The following ZNF74 variants were observed in gnomAD, a reference collection of about 807,000 sequenced individuals.
ZNF74 encodes the protein zinc finger protein 520.
ZNF74 carries 12 observed loss-of-function variants against 17.7 expected under a neutral mutation model. That is an observed-to-expected ratio of 0.68 (90% CI 0.43 to 1.10). The LOEUF is 1.10. Ranked by LOEUF, ZNF74 falls within the 50% of genes least tolerant of loss-of-function variation. The pLI is 0.00. For missense variants in ZNF74, 811 were observed against 881.0 expected (o/e 0.92, Z 1.01); for synonymous variants, 358 against 362.1 (o/e 0.99, Z 0.13).
Position 20,394,493 on chromosome 22 carries a change from T to A in ZNF74, c.-136T>A. On this transcript the variant is annotated 5_prime_UTR_variant, in exon 1 of 5. Transcript: ENST00000400451. ...CTCCGTGCGTGTGATCGTGCAGCTG[T>A]GAGCGCGTGGCCGCCCCGCGGGGCT... The A allele has an allele frequency of 1.1e-6, 1 of 881,774 alleles. No homozygotes were observed. The allele number at this position is 881,774 out of a possible 1,614,324, so 54.6% of individuals were successfully genotyped here. A position where few individuals can be genotyped will look rare whatever the true frequency, so the allele number is the denominator to read the frequency against.
At chr22:20,396,571 A>G (rs1157771952) in intron 2 of ZNF74, among the ~76,000 whole-genome samples, 1 of 152,100 alleles carries the variant, frequency 6.6e-6, no homozygotes, top group Non-Finnish European at 1.5e-5. Context: ...TTCAGCAAAA[A>G]AAAATGTGTG....
In ZNF74 at chr22:20,406,211, G is replaced by C; in HGVS notation, c.1178G>C (p.Cys393Ser). The change falls in exon 5 of 5, where the codon TGC (cysteine) becomes TCC (serine). Residue 393 changes from cysteine (C) to serine (S), a missense_variant. By Grantham distance (112) the Cys-to-Ser change is moderately radical (BLOSUM62 -1). Transcript: ENST00000400451. The stretch of plus-strand genomic sequence containing the variant: ...GAGAAGCCCTACCAGTGCGGCTCCT[G>C]CGGCAAGGCCTTCACCTGCCACTCA... ...TGEKPYQCGS[C>S]GKAFTCHSSL... The C allele has an allele frequency of 6.2e-7, 1 of 1,612,990 alleles. No homozygotes were observed. Among genetic ancestry groups the C allele is most frequent in the Non-Finnish European group, 8.5e-7 (1 of 1,179,980 alleles).
rs1211557051 is a variant in ZNF74, at chr22:20,394,470, C to G, written c.-159C>G. 7 of 709,374 alleles carry G rather than the reference C, an allele frequency of 9.9e-6. No individual in the cohort carries two copies. Among genetic ancestry groups the G allele is most frequent in the East Asian group, 5.4e-5 (2 of 36,822 alleles). The allele number at this position is 709,374 out of a possible 1,614,324, so 43.9% of individuals were successfully genotyped here. A position where few individuals can be genotyped will look rare whatever the true frequency, so the allele number is the denominator to read the frequency against. On this transcript the variant is annotated 5_prime_UTR_variant, in exon 1 of 5. Transcript: ENST00000400451. ...CTCAGCCGGGCGCGGGGAGGGGGCT[C>G]CGTGCGTGTGATCGTGCAGCTGTGA... is the stretch of plus-strand genomic sequence containing the variant.
At chr22:20,395,439 C>CATAAAGAAGGAAGAA in intron 2 of ZNF74, 21 bp downstream of exon 2, 1 of 1,576,530 alleles carries the variant, frequency 6.3e-7, no homozygotes, top group Non-Finnish European at 8.7e-7. Flanking sequence ...GTGTGTTCTT[C>CATAAAGAAGGAAGAA]CTTCTTTATG....
intron 2 of ZNF74, chr22:20,399,817 T>C (rs2052337516): frequency 5.1e-6 from 1 of 194,272 alleles, no homozygotes; most frequent in Non-Finnish European, 1.1e-5. Flanking sequence ...ATGACTTCTT[T>C]TGAGGTAAAC....
chr22:20,402,897 G>A (rs564849467), intron 4 of ZNF74, among the ~76,000 whole-genome samples: 11 of 151,696 alleles, frequency 7.3e-5, no homozygotes, highest in South Asian at 6.3e-4. Flanking sequence ...GCTTGAACCC[G>A]GGAGGCAGAG....
rs1414901721 is a variant in ZNF74, at chr22:20,406,367, A to T, written c.1334A>T (p.Lys445Met). Residue 445 changes from lysine (K) to methionine (M), a missense_variant, in exon 5 of 5, where the codon AAG becomes ATG. Physicochemically the swap from Lys to Met is moderately conservative, Grantham distance 95. Coordinates refer to ENST00000400451, the MANE Select transcript of ZNF74 (RefSeq NM_003426.4). ...QRTHTGEKPF[K>M]CADCGKGFSC... is the part of the protein sequence containing the mutation. The stretch of plus-strand genomic sequence containing the variant: ...ACGCACACGGGCGAGAAGCCCTTCA[A>T]GTGCGCCGACTGCGGGAAGGGCTTC... 1 of 1,612,304 alleles carries T rather than the reference A, an allele frequency of 6.2e-7. No homozygotes were observed. Among genetic ancestry groups the T allele is most frequent in the East Asian group, 2.2e-5 (1 of 44,630 alleles).
chr22:20,399,142 C>G (rs188151530), intron 2 of ZNF74, among the ~76,000 whole-genome samples: 7 of 152,140 alleles, frequency 4.6e-5, no homozygotes, highest in African/African-American at 1.2e-4. Flanking sequence ...ATGTATTATG[C>G]CTTTGTTGGT....
rs555951718 is a variant in ZNF74 at position 20,403,133 on chromosome 22, AT to A, written c.343+1763del. Among the ~76,000 whole-genome samples, 1,078 of 152,102 alleles carry A rather than the reference AT, an allele frequency of 7.1e-3. 12 individuals are homozygous for A. The highest frequency in any genetic ancestry group is 0.024 in the African/African-American group (1,014 of 41,466). On this transcript the variant is annotated intron_variant, in intron 4 of 4. Transcript: ENST00000400451. ...TGTGCCCTGCTGTGTTGTTGGCCCT[AT>A]TGCTGCCAAAACAACTTTTTTCTGG...
At chr22:20,403,544 C>A (rs2146098643) in intron 4 of ZNF74, among the ~76,000 whole-genome samples, 1 of 152,106 alleles carries the variant, frequency 6.6e-6, no homozygotes, top group East Asian at 1.9e-4. Flanking sequence ...ATTCAGATGG[C>A]CTCCCTAACT....
At chr22:20,405,029 C>T (rs1028213516) in intron 4 of ZNF74, among the ~76,000 whole-genome samples, 6 of 152,210 alleles carry the variant, frequency 3.9e-5, no homozygotes, top group South Asian at 4.1e-4. Flanking sequence ...GGTCAGCCGA[C>T]GTGTCCGTGA....
At position 20,402,801 on chromosome 22, in the gene ZNF74, CAAAAA is replaced by C. The variant is rs361884; in HGVS notation, c.343+1446_343+1450del. On this transcript the variant is annotated intron_variant, in intron 4 of 4. Transcript: ENST00000400451. ...GGGTAACAAGAGTGAAATTCCATCT[CAAAAA>C]AAAAAAAAAAAAAAAATTAGCTGGG... Among the ~76,000 whole-genome samples, 8 of 107,510 alleles carry C rather than the reference CAAAAA, an allele frequency of 7.4e-5. No homozygotes were observed. The East Asian group carries it at 9.8e-4, about 13-fold the overall frequency. The allele number at this position is 107,510 out of a possible 152,430, so 70.5% of individuals were successfully genotyped here.
Position 20,408,009 on chromosome 22 carries a change from C to G in ZNF74, c.*1041C>G, listed in dbSNP as rs1601282821. ...GTGTCTGGAAGCTCCTCTTCACTGA[C>G]CAGGGCTGGGCAGGGCCACCCTGGG... On this transcript the variant is annotated 3_prime_UTR_variant, in exon 5 of 5. Coordinates refer to ENST00000400451, the MANE Select transcript of ZNF74 (RefSeq NM_003426.4). 1 of 152,222 alleles carries G rather than the reference C, an allele frequency of 6.6e-6. No individual in the cohort carries two copies. Among genetic ancestry groups the G allele is most frequent in the East Asian group, 1.9e-4 (1 of 5,196 alleles). The allele number at this position is 152,222 out of a possible 1,614,324, so 9.4% of individuals were successfully genotyped here.
intron 2 of ZNF74, 96 bp downstream of exon 2, chr22:20,395,514 T>G (rs2052282910): frequency 2.2e-6 from 2 of 921,862 alleles, no homozygotes; most frequent in Non-Finnish European, 1.7e-6. Context: ...TTCACCCGGG[T>G]ACCTGCTGGC....
chr22:20,402,759 C>G lies in ZNF74; in HGVS notation c.343+1387C>G, dbSNP rs540254770. ...GAGGTTGCGGTGAGCTGAGATCGTG[C>G]CATTGCACTCCAGTCTGGGTAACAA... On this transcript the variant is annotated intron_variant, in intron 4 of 4. Transcript: ENST00000400451. Among the ~76,000 whole-genome samples the G allele has an allele frequency of 2.2e-3, 334 of 148,646 alleles. 2 individuals are homozygous for G. The highest frequency in any genetic ancestry group is 7.2e-3 in the African/African-American group (288 of 40,118).
chr22:20,395,328 G>A lies in ZNF74; in HGVS notation c.35-5G>A, dbSNP rs1371773287. ...CGTGACCTTGACTCATTTCTCCTTC[G>A]CCAGCTCTTTCCTCTCAGGATCCTG... On this transcript the variant is annotated splice_region_variant and splice_polypyrimidine_tract_variant and intron_variant, in intron 1 of 4. Coordinates refer to ENST00000400451, the MANE Select transcript of ZNF74 (RefSeq NM_003426.4). 8 of 1,591,884 alleles carry A rather than the reference G, an allele frequency of 5.0e-6. No individual in the cohort carries two copies. In the African/African-American group the frequency reaches 5.4e-5, roughly 11 times the overall value.
chr22:20,397,869 C>T (rs544129730), intron 2 of ZNF74, among the ~76,000 whole-genome samples: 8 of 152,282 alleles, frequency 5.3e-5, no homozygotes, highest in Non-Finnish European at 1.0e-4. Flanking sequence ...TGAGGCTTCT[C>T]CTTGGCTTGT....
chr22:20,405,393 G>A lies in ZNF74; in HGVS notation c.360G>A (p.Ala120=), dbSNP rs774338604. The A allele has an allele frequency of 1.1e-5, 18 of 1,607,802 alleles. No individual in the cohort carries two copies. Among genetic ancestry groups the A allele is most frequent in the Admixed American group, 1.7e-5 (1 of 57,602 alleles). Residue 120 remains alanine, a synonymous_variant, in exon 5 of 5, where the codon GCG becomes GCA. Transcript: ENST00000400451. ...ATCTTACAGAATGGGAGCTGAAGGCGGTGCCCTCTCAACAGCAGGGCATTT... is the reference window on the plus strand; with the variant it reads ...ATCTTACAGAATGGGAGCTGAAGGCAGTGCCCTCTCAACAGCAGGGCATTT... ...RGPCPEWELK[A]VPSQQQGICK... is the part of the protein sequence containing the mutation.
At position 20,394,223 on chromosome 22, in the gene ZNF74, C is replaced by T. The variant is rs1428296286; in HGVS notation, c.-406C>T. 1.4e-6 allele frequency: 1 copy of T among 699,410 alleles called. No homozygotes were observed. The highest frequency in any genetic ancestry group is 1.8e-5 in the African/African-American group (1 of 56,054). The allele number at this position is 699,410 out of a possible 1,614,324, so 43.3% of individuals were successfully genotyped here. A position where few individuals can be genotyped will look rare whatever the true frequency, so the allele number is the denominator to read the frequency against. ...GAGTCCGGTCTGTCCACTTGCCGGT[C>T]CCTCAGACCGTCGGCGGTCTCTGTC... On this transcript the variant is annotated 5_prime_UTR_variant, in exon 1 of 5. Transcript: ENST00000400451.
Sources: allele counts gnomAD v4.1 joint callset (sites outside exome capture counted in the v4.1 genomes callset), GRCh38; gene constraint gnomAD v4.1.1; transcripts MANE v1.5; gene names NCBI Gene and HGNC (gene_info 2026-07-23, HGNC 2026-07-21).